The following KALRN variants were observed in gnomAD, a reference collection of about 807,000 sequenced individuals.
KALRN encodes the protein kalirin.
KALRN carries 70 observed loss-of-function variants against 353.7 expected under a neutral mutation model. That is an observed-to-expected ratio of 0.20 (90% CI 0.16 to 0.24). KALRN has a LOEUF of 0.24. Among genes scored for constraint, KALRN ranks in the 10% least tolerant of loss-of-function variants. The probability of loss-of-function intolerance (pLI) is 1.00; values close to 1 mark genes in which losing one functional copy is unlikely to be tolerated. For missense variants in KALRN, 2,791 were observed against 3,756.7 expected (o/e 0.74, Z 6.72); for synonymous variants, 1,391 against 1,434.8 (o/e 0.97, Z 0.69).
intron 33 of KALRN, chr3:124,562,618 TGCTA>T: frequency 2.8e-6 from 1 of 355,834 alleles, no homozygotes; most frequent in South Asian, 2.2e-5. Context: ...AATAGCACTG[TGCTA>T]ATTACATTTT....
rs117110579 is a variant in KALRN at position 124,712,253 on chromosome 3, C to T, written c.8076-682C>T. ...TGGCTTTACAGTCTGGCTTTTTCAT[C>T]GTGTCATGGCCCCACAAAGAGTTAG... On this transcript the variant is annotated intron_variant, in intron 57 of 59. Transcript: ENST00000682506. Among the ~76,000 whole-genome samples, 275 of 152,214 alleles carry T rather than the reference C, an allele frequency of 1.8e-3. 3 individuals are homozygous for T. The East Asian group carries it at 0.028, about 15-fold the overall frequency.
chr3:124,552,309 G>A (rs1175891456), intron 33 of KALRN, among the ~76,000 whole-genome samples: 2 of 152,144 alleles, frequency 1.3e-5, no homozygotes, highest in South Asian at 2.1e-4. Context: ...CAGGTGCTCC[G>A]CATGTGCCCT....
intron 10 of KALRN, among the ~76,000 whole-genome samples, chr3:124,373,758 G>A (rs955543663): frequency 2.6e-5 from 4 of 152,020 alleles, no homozygotes; most frequent in Non-Finnish European, 5.9e-5. Context: ...ACCTTATTTC[G>A]GTATGATCTC....
At chr3:124,469,983 A>T (rs1487716697) in intron 25 of KALRN, among the ~76,000 whole-genome samples, 1 of 152,186 alleles carries the variant, frequency 6.6e-6, no homozygotes, top group Non-Finnish European at 1.5e-5. Context: ...TATCATATTT[A>T]ATGACAAAAC....
chr3:124,653,197 C>T (rs1014708552), intron 38 of KALRN, among the ~76,000 whole-genome samples: 6 of 152,082 alleles, frequency 3.9e-5, no homozygotes, highest in South Asian at 2.1e-4. Flanking sequence ...AGGGGTGTAG[C>T]GAACCAAGAC....
At chr3:124,609,605 G>T (rs577156836) in intron 34 of KALRN, among the ~76,000 whole-genome samples, 43 of 152,322 alleles carry the variant, frequency 2.8e-4, no homozygotes, top group Non-Finnish European at 5.0e-4. Context: ...CTTTGTTGCT[G>T]CCTGGGAAGG....
chr3:124,092,684 T>G (rs2061190001), intron 1 of KALRN, among the ~76,000 whole-genome samples: 1 of 152,178 alleles, frequency 6.6e-6, no homozygotes, highest in Admixed American at 6.5e-5. Flanking sequence ...CCCCAGAAAC[T>G]CTCAGGGAGG....
At chr3:124,498,897 AT>A (rs2108603869) in intron 33 of KALRN, among the ~76,000 whole-genome samples, 1 of 151,932 alleles carries the variant, frequency 6.6e-6, no homozygotes, top group Non-Finnish European at 1.5e-5. Context: ...ACTATACTAG[AT>A]GGCCAGGGAA....
chr3:124,638,358 G>T (rs2149916234), intron 37 of KALRN, among the ~76,000 whole-genome samples: 1 of 149,668 alleles, frequency 6.7e-6, no homozygotes, highest in African/African-American at 2.5e-5. Context: ...ACAAAAACCT[G>T]CTGTTTTCAG....
At chr3:124,317,495 T>A (rs188992592) in intron 6 of KALRN, among the ~76,000 whole-genome samples, 1 of 152,314 alleles carries the variant, frequency 6.6e-6, no homozygotes, top group Non-Finnish European at 1.5e-5. Flanking sequence ...ATTGTTAAGA[T>A]CAGGCGTGCT....
intron 3 of KALRN, among the ~76,000 whole-genome samples, chr3:124,239,363 T>A (rs1329876571): frequency 6.6e-6 from 1 of 152,214 alleles, no homozygotes; most frequent in Non-Finnish European, 1.5e-5. Flanking sequence ...TTTATTGCAT[T>A]GAATTCCTCT....
intron 1 of KALRN, among the ~76,000 whole-genome samples, chr3:124,195,746 A>G (rs1401693376): frequency 1.3e-5 from 2 of 152,164 alleles, no homozygotes; most frequent in Non-Finnish European, 2.9e-5. Flanking sequence ...GCAGCTGAAC[A>G]TGGGGTGCTT....
At chr3:124,628,180 CCCTCCTTCATTCCCTCCCTCCCCCCCT>C (rs2080223108) in intron 34 of KALRN, among the ~76,000 whole-genome samples, 1 of 55,400 alleles carries the variant, frequency 1.8e-5, no homozygotes, top group Non-Finnish European at 3.3e-5. Context: ...TTCCCTCCCT[CCCTCCTTCATTCCCTCCCTCCCCCCCT>C]CCTTCCTTCC....
At chr3:124,628,179 TCCCTCCTTCATTCCCTCCCTCCCC>T (rs2080221987) in intron 34 of KALRN, among the ~76,000 whole-genome samples, 1 of 30,836 alleles carries the variant, frequency 3.2e-5, no homozygotes, top group South Asian at 1.9e-3. Context: ...CTTCCCTCCC[TCCCTCCTTCATTCCCTCCCTCCCC>T]CCCTCCTTCC....
chr3:124,349,439 CATT>C (rs370923274), intron 10 of KALRN, among the ~76,000 whole-genome samples: 7 of 152,052 alleles, frequency 4.6e-5, no homozygotes, highest in African/African-American at 1.4e-4. Flanking sequence ...TTTCTTAAAA[CATT>C]ATGATTTTTT....
chr3:124,201,266 C>T (rs187780644), intron 1 of KALRN, among the ~76,000 whole-genome samples: 33 of 152,322 alleles, frequency 2.2e-4, no homozygotes, highest in East Asian at 1.4e-3. Flanking sequence ...TAGAGCTTTC[C>T]GTGACTCTCT....
At chr3:124,222,960 C>T (rs1442608651) in intron 1 of KALRN, among the ~76,000 whole-genome samples, 2 of 151,764 alleles carry the variant, frequency 1.3e-5, no homozygotes, top group African/African-American at 2.4e-5. Context: ...TAGGGTGGAA[C>T]TTGAGATTTT....
At chr3:124,280,990 A>G (rs964637794) in intron 5 of KALRN, among the ~76,000 whole-genome samples, 1 of 152,182 alleles carries the variant, frequency 6.6e-6, no homozygotes, top group Admixed American at 6.5e-5. Context: ...GTAAAACAAC[A>G]TGGCACATGT....
chr3:124,189,266 G>T (rs1003421437), intron 1 of KALRN, among the ~76,000 whole-genome samples: 1 of 152,204 alleles, frequency 6.6e-6, no homozygotes, highest in Admixed American at 6.5e-5. Context: ...TTCCAGGGAA[G>T]ATTGAACATG....
Sources: allele counts gnomAD v4.1 joint callset (sites outside exome capture counted in the v4.1 genomes callset), GRCh38; gene constraint gnomAD v4.1.1; transcripts MANE v1.5; gene names NCBI Gene and HGNC (gene_info 2026-07-23, HGNC 2026-07-21).